The following NOC3L variants were observed in gnomAD, a reference collection of about 807,000 sequenced individuals.
NOC3L encodes the protein nucleolar complex protein 3 homolog.
In NOC3L, 85 loss-of-function variants were observed where a neutral mutation model predicts 102.5. The observed-to-expected ratio is 0.83, with a 90% CI of 0.70 to 0.99. The LOEUF (loss-of-function observed/expected upper bound fraction) is 0.99, where lower values mean the gene tolerates loss of function less well. Among genes scored for constraint, NOC3L ranks in the 50% least tolerant of loss-of-function variants. NOC3L has a pLI of 0.00. For missense variants in NOC3L, 878 were observed against 914.9 expected, an observed-to-expected ratio of 0.96 and a Z score of 0.52; for synonymous variants, 303 against 309.4, an observed-to-expected ratio of 0.98 and a Z score of 0.22.
chr10:94,349,362 C>T lies in NOC3L; in HGVS notation c.1145G>A (p.Cys382Tyr), dbSNP rs911141850. Residue 382 changes from cysteine (C) to tyrosine (Y), a missense_variant, in exon 10 of 21, where the codon TGT becomes TAT. Cys to Tyr is a radical substitution (Grantham distance 194). Coordinates refer to ENST00000371361, the MANE Select transcript of NOC3L (RefSeq NM_022451.11). ...DMSKLISEMC[C>Y]EAVKKLFKQD... is the part of the protein sequence containing the mutation. The stretch of plus-strand genomic sequence containing the variant: ...CTTAAAGAGTTTCTTCACAGCTTCA[C>T]AACACATTTCAGATATCTGAAAAAT... 9 of 1,576,916 alleles carry T rather than the reference C, an allele frequency of 5.7e-6. No homozygotes were observed. The highest frequency in any genetic ancestry group is 7.7e-6 in the Non-Finnish European group (9 of 1,170,004).
chr10:94,350,322 T>C (rs2054399778), intron 8 of NOC3L, 34 bp from the exon 9 acceptor site: 1 of 1,595,792 alleles, frequency 6.3e-7, no homozygotes, highest in Non-Finnish European at 8.6e-7. Flanking sequence ...ACTTTACTCA[T>C]TGGTCAAAAG....
intron 9 of NOC3L, among the ~76,000 whole-genome samples, chr10:94,349,654 G>A (rs2054390995): frequency 6.6e-6 from 1 of 152,088 alleles, no homozygotes; most frequent in Non-Finnish European, 1.5e-5. Context: ...ATTTTCTTCA[G>A]ATAGACAGTG....
chr10:94,357,194 G>T lies in NOC3L; in HGVS notation c.488C>A (p.Pro163Gln). Residue 163 changes from proline to glutamine, a missense_variant, in exon 4 of 21, where the codon CCA becomes CAA. Transcript: ENST00000371361. Reference sequence around the variant, plus strand: ...CTCACCTGGCTTCTCCCTAGTCTGTGGGATTATACCACTTTTATCTTTGAT... The same window carrying T: ...CTCACCTGGCTTCTCCCTAGTCTGTTGGATTATACCACTTTTATCTTTGAT... ...LPIKDKSGIIPQTREKPVTDS... is the reference protein window; with the variant it reads ...LPIKDKSGIIQQTREKPVTDS... 6.3e-7 allele frequency: 1 copy of T among 1,590,044 alleles called. No individual in the cohort carries two copies. The highest frequency in any genetic ancestry group is 1.2e-5 in the South Asian group (1 of 86,226).
chr10:94,357,973 T>G (rs2054507313), intron 3 of NOC3L, 110 bp downstream of exon 3: 1 of 717,058 alleles, frequency 1.4e-6, no homozygotes, highest in Non-Finnish European at 2.5e-6. Flanking sequence ...CTTTATTCTT[T>G]GTAAACATTG....
At chr10:94,340,553 A>AT in intron 14 of NOC3L, 57 bp from the exon 15 acceptor site, 1 of 1,442,442 alleles carries the variant, frequency 6.9e-7, no homozygotes, top group Non-Finnish European at 9.6e-7. Flanking sequence ...GGTAATTGCC[A>AT]TTTATAGCTT....
chr10:94,319,864 CTTTTTTTT>C, the NOC3L span, among the ~76,000 whole-genome samples: 4,391 of 92,978 alleles, frequency 0.047, 275 homozygotes, highest in African/African-American at 0.15. Flanking sequence ...CAAAGGTGCT[CTTTTTTTT>C]TTTTTTTTTT....
chr10:94,326,808 T>C, the NOC3L span, among the ~76,000 whole-genome samples: 1 of 152,234 alleles, frequency 6.6e-6, no homozygotes, highest in Non-Finnish European at 1.5e-5. Flanking sequence ...TTTTTTTTTC[T>C]TTTTCTAAGC....
At chr10:94,338,520 C>G (rs1331447522) in intron 18 of NOC3L, 88 bp downstream of exon 18, 7 of 1,360,588 alleles carry the variant, frequency 5.1e-6, no homozygotes, top group Non-Finnish European at 6.8e-6. Context: ...TAATTAAGTA[C>G]TCTGGCAATA....
At chr10:94,362,495 T>C (rs1055962508) in intron 1 of NOC3L, among the ~76,000 whole-genome samples, 3 of 152,284 alleles carry the variant, frequency 2.0e-5, no homozygotes, top group Admixed American at 6.5e-5. Flanking sequence ...TTACCCTTCA[T>C]GGGTACCGTG....
chr10:94,350,307 T>C lies in NOC3L; in HGVS notation c.953-19A>G, dbSNP rs2054399505. 1.9e-6 allele frequency: 3 copies of C among 1,607,404 alleles called. No individual in the cohort carries two copies. Among genetic ancestry groups the C allele is most frequent in the Non-Finnish European group, 2.6e-6 (3 of 1,174,332 alleles). On this transcript the variant is annotated intron_variant, in intron 8 of 20. Transcript: ENST00000371361. ...TTCCAATCTAATCAAAAGATAACTG[T>C]AGTTACTTTACTCATTGGTCAAAAG...
downstream of NOC3L, chr10:94,331,518 T>C (rs2054155457): frequency 6.6e-6 from 1 of 152,256 alleles, no homozygotes; most frequent in Admixed American, 6.5e-5. Context: ...AGTAGGATTT[T>C]CCTGGCTGGT....
the NOC3L span, among the ~76,000 whole-genome samples, chr10:94,327,076 C>G: frequency 6.6e-6 from 1 of 151,186 alleles, no homozygotes; most frequent in Non-Finnish European, 1.5e-5. Flanking sequence ...GCAGGAGAAT[C>G]GCTTGAACCC....
In NOC3L at chr10:94,362,806, G is replaced by A. The variant is rs1433428699; in HGVS notation, c.9+24C>T. 6 of 1,613,944 alleles carry A rather than the reference G, an allele frequency of 3.7e-6. No homozygotes were observed. In the East Asian group the frequency reaches 8.9e-5, roughly 24 times the overall value. ...ACCCGAAGGGGCCCTAGGCCGCGGC[G>A]ACCGGGCTTTTGAGGACACTTACCG... On this transcript the variant is annotated intron_variant, in intron 1 of 20. Transcript: ENST00000371361.
At chr10:94,327,023 G>A in the NOC3L span, among the ~76,000 whole-genome samples, 3 of 152,026 alleles carry the variant, frequency 2.0e-5, no homozygotes, top group East Asian at 1.9e-4. Flanking sequence ...TTAGCTGGGC[G>A]TGGTGGTGTG....
rs146141166 is a variant in NOC3L, at chr10:94,357,180, T to C, written c.502A>G (p.Lys168Glu). The C allele has an allele frequency of 3.2e-6, 5 of 1,559,116 alleles. No homozygotes were observed. In the Admixed American group the frequency reaches 5.8e-5, roughly 18 times the overall value. ...ACCAGTTTATTAGACTCACCTGGCT[T>C]CTCCCTAGTCTGTGGGATTATACCA... ...KSGIIPQTRE[K>E]PVTDSNKDEE... Residue 168 changes from lysine (K) to glutamate (E), a missense_variant, in exon 4 of 21, where the codon AAG (lysine) becomes GAG (glutamate). Coordinates refer to ENST00000371361, the MANE Select transcript of NOC3L (RefSeq NM_022451.11).
chr10:94,350,249 G>A lies in NOC3L; in HGVS notation c.992C>T (p.Ser331Phe), dbSNP rs2134000946. 1.2e-6 allele frequency: 2 copies of A among 1,614,090 alleles called. No individual in the cohort carries two copies. Among genetic ancestry groups the A allele is most frequent in the East Asian group, 4.5e-5 (2 of 44,884 alleles). ...TGCCAGTCCTTTGTATGCCTTTAAG[G>A]AAACTACATTACTTTTCTTCAGCTT... ...QRKLKKSNVV[S>F]LKAYKGLAEV... Residue 331 changes from serine to phenylalanine, a missense_variant, in exon 9 of 21, where the codon TCC becomes TTC. Transcript: ENST00000371361.
At chr10:94,334,378 GA>G in intron 20 of NOC3L, 73 bp from the exon 21 acceptor site, 2 of 950,648 alleles carry the variant, frequency 2.1e-6, no homozygotes, top group South Asian at 1.5e-5. Flanking sequence ...GAACCAAGTT[GA>G]AAATGGCAAC....
intron 13 of NOC3L, among the ~76,000 whole-genome samples, chr10:94,342,395 G>A (rs2054295873): frequency 6.6e-6 from 1 of 152,146 alleles, no homozygotes; most frequent in Non-Finnish European, 1.5e-5. Flanking sequence ...AGAAGTCTTT[G>A]ATCTATGTAA....
the NOC3L span, chr10:94,325,660 CTTAT>C: frequency 6.6e-6 from 1 of 151,912 alleles, no homozygotes; most frequent in African/African-American, 2.4e-5. Context: ...TTTTAGACCC[CTTAT>C]TTATTTTGTA....
Sources: gnomAD v4.1 joint callset for allele counts (sites outside exome capture counted in the v4.1 genomes callset) on GRCh38, gnomAD v4.1.1 for gene constraint, MANE v1.5 for transcripts, NCBI Gene and HGNC (gene_info 2026-07-23, HGNC 2026-07-21) for gene names.